FRYL: variants seen among roughly 807,000 people sequenced by gnomAD.
FRYL encodes FRY like transcription coactivator.
Under a neutral mutation model 351.2 loss-of-function variants are expected in FRYL, and 150 were observed. That is an observed-to-expected ratio of 0.43 (90% CI 0.37 to 0.49). FRYL has a LOEUF of 0.49. FRYL is among the 20% of genes least tolerant of loss of function. The probability of loss-of-function intolerance (pLI) is 0.00; values close to 1 mark genes in which losing one functional copy is unlikely to be tolerated. For synonymous variants in FRYL, 1,153 were observed against 1,257.1 expected (o/e 0.92, Z 1.75); for missense variants, 3,036 against 3,619.3 (o/e 0.84, Z 4.13).
intron 1 of FRYL, among the ~76,000 whole-genome samples, chr4:48,715,696 G>A (rs1237638061): frequency 1.3e-5 from 2 of 152,048 alleles, no homozygotes; most frequent in African/African-American, 2.4e-5. Context: ...TGGCCATACT[G>A]CCCAAGGTAA....
chr4:48,534,791 T>A, intron 48 of FRYL, 106 bp from the exon 49 acceptor site: 1 of 658,266 alleles, frequency 1.5e-6, no homozygotes, highest in Non-Finnish European at 2.5e-6. Flanking sequence ...AGCCTATGAG[T>A]TTATAGTTAT....
chr4:48,662,742 A>G (rs1223131521), intron 3 of FRYL, among the ~76,000 whole-genome samples: 1 of 146,700 alleles, frequency 6.8e-6, no homozygotes, highest in Non-Finnish European at 1.5e-5. Context: ...CCTTGGCAAC[A>G]TAGCAAGATC....
At chr4:48,507,303 A>T (rs1306932606) in intron 59 of FRYL, among the ~76,000 whole-genome samples, 1 of 152,198 alleles carries the variant, frequency 6.6e-6, no homozygotes, top group Non-Finnish European at 1.5e-5. Flanking sequence ...CAGCCAGAGC[A>T]TACAAGACAT....
chr4:48,680,368 T>C (rs1764428023), intron 3 of FRYL, among the ~76,000 whole-genome samples: 1 of 151,986 alleles, frequency 6.6e-6, no homozygotes, highest in African/African-American at 2.4e-5. Flanking sequence ...TTAGTTACTA[T>C]ATGCAAGCTG....
At chr4:48,547,968 G>A (rs189814761) in intron 40 of FRYL, among the ~76,000 whole-genome samples, 199 bp from the exon 41 acceptor site, 1 of 152,046 alleles carries the variant, frequency 6.6e-6, no homozygotes, top group East Asian at 1.9e-4. Flanking sequence ...GGAGACTCAA[G>A]GTAAGCTAAA....
At chr4:48,609,864 G>T in intron 7 of FRYL, 41 bp from the exon 8 acceptor site, 1 of 1,064,798 alleles carries the variant, frequency 9.4e-7, no homozygotes, top group South Asian at 1.6e-5. Context: ...TTAAATTATT[G>T]GTTTTTTATG....
At chr4:48,761,449 G>A (rs1774412286) in intron 1 of FRYL, among the ~76,000 whole-genome samples, 1 of 152,092 alleles carries the variant, frequency 6.6e-6, no homozygotes, top group Non-Finnish European at 1.5e-5. Context: ...ATGTGTCTGA[G>A]GTAATGCTGA....
At chr4:48,758,174 G>C (rs1161493168) in intron 1 of FRYL, among the ~76,000 whole-genome samples, 1 of 152,134 alleles carries the variant, frequency 6.6e-6, no homozygotes, top group African/African-American at 2.4e-5. Context: ...CATGGGCATG[G>C]GCAAGGACTT....
At chr4:48,555,694 A>G (rs1733930962) in intron 35 of FRYL, among the ~76,000 whole-genome samples, 1 of 152,196 alleles carries the variant, frequency 6.6e-6, no homozygotes, top group African/African-American at 2.4e-5. Context: ...TAGGAGACAC[A>G]GTCAGAGAGG....
At chr4:48,563,561 T>G (rs190154457) in intron 31 of FRYL, among the ~76,000 whole-genome samples, 3 of 151,868 alleles carry the variant, frequency 2.0e-5, no homozygotes, top group Non-Finnish European at 4.4e-5. Flanking sequence ...AATTTAAAAA[T>G]TAGCCAGGCA....
rs780801555 is a variant in FRYL, at chr4:48,557,645, T to C, written c.3933A>G (p.Pro1311=). Residue 1311 remains proline, a synonymous_variant, in exon 34 of 64, where the codon CCA becomes CCG. Coordinates refer to ENST00000358350, the MANE Select transcript of FRYL (RefSeq NM_015030.2). ...CCACCAGCTCGATGTTGTTCATCCA[T>C]GGTAGCAGGTAGTGCAGCATCACCT... ...GRQVMLHYLL[P]WMNNIELVDL... The C allele has an allele frequency of 1.2e-5, 20 of 1,614,062 alleles. No homozygotes were observed. The highest frequency in any genetic ancestry group is 2.2e-5 in the East Asian group (1 of 44,896).
At chr4:48,655,825 TATA>T (rs1031992604) in intron 3 of FRYL, among the ~76,000 whole-genome samples, 86 of 143,968 alleles carry the variant, frequency 6.0e-4, no homozygotes, top group Non-Finnish European at 9.9e-4. Flanking sequence ...TACAGAATTA[TATA>T]ATTATATATA....
At chr4:48,760,349 A>C (rs1185423619) in intron 1 of FRYL, among the ~76,000 whole-genome samples, 1 of 152,174 alleles carries the variant, frequency 6.6e-6, no homozygotes, top group Non-Finnish European at 1.5e-5. Flanking sequence ...GTTATATAGA[A>C]ATAAAATTCA....
At chr4:48,658,599 A>AG (rs1759748785) in intron 3 of FRYL, among the ~76,000 whole-genome samples, 1 of 150,320 alleles carries the variant, frequency 6.7e-6, no homozygotes, top group African/African-American at 2.4e-5. Context: ...AAAAAAAAAA[A>AG]AAAAAATTGC....
chr4:48,536,534 A>AT (rs369765474), intron 47 of FRYL, among the ~76,000 whole-genome samples: 64 of 152,274 alleles, frequency 4.2e-4, no homozygotes, highest in African/African-American at 1.4e-3. Flanking sequence ...TTTGGGGGGA[A>AT]TTTTACTGAC....
At chr4:48,503,385 A>G (rs1451144516) in intron 60 of FRYL, among the ~76,000 whole-genome samples, 1 of 152,178 alleles carries the variant, frequency 6.6e-6, no homozygotes, top group African/African-American at 2.4e-5. Context: ...CTACTTTGCC[A>G]TAACTGGTGC....
intron 1 of FRYL, among the ~76,000 whole-genome samples, chr4:48,772,833 TC>T (rs1162703482): frequency 6.6e-6 from 1 of 152,208 alleles, no homozygotes; most frequent in Non-Finnish European, 1.5e-5. Flanking sequence ...AAACTAATGT[TC>T]CTTTTTCATC....
At chr4:48,727,606 C>T (rs1221823030) in intron 1 of FRYL, 1 of 152,190 alleles carries the variant, frequency 6.6e-6, no homozygotes, top group Non-Finnish European at 1.5e-5. Context: ...CCTCCAGGAG[C>T]TTGACCTAAG....
chr4:48,720,407 G>C (rs1034865772), intron 1 of FRYL, among the ~76,000 whole-genome samples: 6 of 152,114 alleles, frequency 3.9e-5, no homozygotes, highest in African/African-American at 1.4e-4. Flanking sequence ...TGAGGCAGGA[G>C]AACTGCTTGA....
Sources: allele counts gnomAD v4.1 joint callset (sites outside exome capture counted in the v4.1 genomes callset), GRCh38; gene constraint gnomAD v4.1.1; transcripts MANE v1.5; gene names NCBI Gene and HGNC (gene_info 2026-07-23, HGNC 2026-07-21).